Variants in DMGDH observed in about 807,000 individuals in gnomAD.
DMGDH encodes dimethylglycine dehydrogenase.
A neutral mutation model predicts 95.2 loss-of-function variants in DMGDH; 76 were observed. That is an observed-to-expected ratio of 0.80 (90% CI 0.66 to 0.97). The LOEUF is 0.97. DMGDH is among the 50% of genes least tolerant of loss of function. DMGDH has a pLI of 0.00. For missense variants in DMGDH, 987 were observed against 1,055.0 expected, an observed-to-expected ratio of 0.94 and a Z score of 0.89; for synonymous variants, 345 against 377.6, an observed-to-expected ratio of 0.91 and a Z score of 1.00.
At chr5:79,063,892 T>G (rs1755290011) in intron 1 of DMGDH, 105 bp from the exon 2 acceptor site, 2 of 1,164,462 alleles carry the variant, frequency 1.7e-6, no homozygotes, top group African/African-American at 1.5e-5. Flanking sequence ...TAACACCCAC[T>G]GACTGAGATT....
chr5:79,032,827 T>C lies in DMGDH; in HGVS notation c.1377A>G (p.Lys459=). The change falls in exon 9 of 16, where the codon AAA becomes AAG. Residue 459 remains lysine, a synonymous_variant. Transcript: ENST00000255189. ...TCGGCCTCCCAGCAAACCGTTCTTC[T>C]TTAGGATAACCAACTGAAAAGGAAA... ...YGFNNIVGYP[K]EERFAGRPTQ... 6.2e-7 allele frequency: 1 copy of C among 1,614,160 alleles called. No individual in the cohort carries two copies. The highest frequency in any genetic ancestry group is 8.5e-7 in the Non-Finnish European group (1 of 1,180,034).
At chr5:79,047,937 C>T (rs1164117015) in intron 5 of DMGDH, among the ~76,000 whole-genome samples, 1 of 152,112 alleles carries the variant, frequency 6.6e-6, no homozygotes, top group African/African-American at 2.4e-5. Context: ...CTTACTCACA[C>T]TAGCTTGATT....
At chr5:79,005,081 A>C (rs543721199) in intron 15 of DMGDH, among the ~76,000 whole-genome samples, 192 bp downstream of exon 15, 1 of 152,348 alleles carries the variant, frequency 6.6e-6, no homozygotes, top group African/African-American at 2.4e-5. Context: ...TATGTTTTCA[A>C]AAATGAGCAA....
At chr5:79,003,442 T>C (rs901368585) in intron 15 of DMGDH, among the ~76,000 whole-genome samples, 2 of 151,944 alleles carry the variant, frequency 1.3e-5, no homozygotes, top group Non-Finnish European at 2.9e-5. Flanking sequence ...GAACCAGAGA[T>C]ACAGAACAGA....
intron 14 of DMGDH, among the ~76,000 whole-genome samples, chr5:79,023,879 T>G (rs905236379): frequency 6.6e-6 from 1 of 152,230 alleles, no homozygotes; most frequent in African/African-American, 2.4e-5. Context: ...GAAGGATCAA[T>G]GAATGCACTA....
At chr5:79,061,091 T>C (rs930467685) in intron 2 of DMGDH, among the ~76,000 whole-genome samples, 2 of 151,792 alleles carry the variant, frequency 1.3e-5, no homozygotes, top group Non-Finnish European at 2.9e-5. Context: ...GGCGTGGTCG[T>C]GCACAGCTGT....
At chr5:79,030,112 A>G (rs1445805619) in intron 10 of DMGDH, 78 bp from the exon 11 acceptor site, 2 of 1,238,740 alleles carry the variant, frequency 1.6e-6, no homozygotes, top group East Asian at 4.7e-5. Context: ...TGAAATAACA[A>G]TGTGGGTGTT....
chr5:79,060,686 C>T (rs901824201), intron 2 of DMGDH, among the ~76,000 whole-genome samples: 7 of 150,060 alleles, frequency 4.7e-5, no homozygotes, highest in African/African-American at 1.2e-4. Flanking sequence ...TTTGGGAGGC[C>T]GAGCAGGGCA....
Position 79,069,667 on chromosome 5 carries a change from G to A in DMGDH, c.-47C>T. 7.8e-7 allele frequency: 1 copy of A among 1,288,804 alleles called. No individual in the cohort carries two copies. Among genetic ancestry groups the A allele is most frequent in the Non-Finnish European group, 9.8e-7 (1 of 1,022,924 alleles). 79.8% of individuals were successfully genotyped at this position (1,288,804 alleles called of 1,614,324 possible). A position where few individuals can be genotyped will look rare whatever the true frequency, so the allele number is the denominator to read the frequency against. On this transcript the variant is annotated 5_prime_UTR_variant, in exon 1 of 16. Transcript: ENST00000255189. ...GCAGGCGCCTGCTCCGAGGCCAGCG[G>A]GCAGCCTGAGGCCGCGGGGCCGGCG...
chr5:79,045,558 G>A (rs1754647618), intron 5 of DMGDH, among the ~76,000 whole-genome samples: 1 of 152,010 alleles, frequency 6.6e-6, no homozygotes, highest in South Asian at 2.1e-4. Flanking sequence ...AAAATCCAAG[G>A]CACCTTCACT....
chr5:79,054,749 T>G (rs1754973475), intron 3 of DMGDH, among the ~76,000 whole-genome samples: 1 of 152,218 alleles, frequency 6.6e-6, no homozygotes, highest in African/African-American at 2.4e-5. Flanking sequence ...TCATGTAGAA[T>G]CAAAATGTTG....
At chr5:79,045,987 A>G (rs1431361410) in intron 5 of DMGDH, among the ~76,000 whole-genome samples, 2 of 152,224 alleles carry the variant, frequency 1.3e-5, no homozygotes, top group Non-Finnish European at 2.9e-5. Context: ...ACACTTGTAT[A>G]ATGAATCCAG....
intron 5 of DMGDH, among the ~76,000 whole-genome samples, chr5:79,048,942 G>T (rs1338728107): frequency 6.6e-6 from 1 of 152,138 alleles, no homozygotes; most frequent in Non-Finnish European, 1.5e-5. Context: ...CTTCCCACAA[G>T]TTTCAGCAAA....
rs111803146 is a variant in DMGDH at position 79,044,563 on chromosome 5, A to G, written c.746-11T>C. The G allele has an allele frequency of 5.0e-4, 814 of 1,613,656 alleles. 2 individuals carry two copies. In the African/African-American group the frequency reaches 7.3e-3, roughly 14 times the overall value. Reference sequence around the variant, plus strand: ...CACGAGCCCAAAATCCTTAAACAAAAAAATCATTTAAAAGTGTCAGCCCAT... The same window carrying G: ...CACGAGCCCAAAATCCTTAAACAAAGAAATCATTTAAAAGTGTCAGCCCAT... On this transcript the variant is annotated splice_polypyrimidine_tract_variant and intron_variant, in intron 5 of 15. Coordinates refer to ENST00000255189, the MANE Select transcript of DMGDH (RefSeq NM_013391.3).
chr5:79,049,167 G>A (rs1212901851), intron 5 of DMGDH, among the ~76,000 whole-genome samples: 1 of 152,164 alleles, frequency 6.6e-6, no homozygotes, highest in Non-Finnish European at 1.5e-5. Context: ...CACAGCTGCA[G>A]AGAAAGCTTC....
chr5:79,052,503 CTTT>C (rs1406439094), intron 4 of DMGDH, among the ~76,000 whole-genome samples: 1 of 152,164 alleles, frequency 6.6e-6, no homozygotes, highest in African/African-American at 2.4e-5. Context: ...GTGCAAGGGA[CTTT>C]CTATTTTAAG....
chr5:78,999,846 GTTAGAATT>G (rs1753423976), intron 15 of DMGDH, among the ~76,000 whole-genome samples: 1 of 151,032 alleles, frequency 6.6e-6, no homozygotes, highest in African/African-American at 2.4e-5. Context: ...GGTCAGAGAG[GTTAGAATT>G]TTAATCATTG....
chr5:79,033,833 G>A (rs1462660600), intron 7 of DMGDH, among the ~76,000 whole-genome samples: 1 of 152,174 alleles, frequency 6.6e-6, no homozygotes, highest in Non-Finnish European at 1.5e-5. Context: ...ACGGGTGGCT[G>A]AGGCAGGAGG....
intron 2 of DMGDH, among the ~76,000 whole-genome samples, chr5:79,061,217 TCAAACACACACACACACACACA>T (rs1755198208): frequency 3.8e-5 from 4 of 106,138 alleles, no homozygotes; most frequent in African/African-American, 1.5e-4. Flanking sequence ...AAACTCTGTC[TCAAACACACACACACACACACA>T]CACACACACA....
Sources: gnomAD v4.1 joint callset for allele counts (sites outside exome capture counted in the v4.1 genomes callset) on GRCh38, gnomAD v4.1.1 for gene constraint, MANE v1.5 for transcripts, NCBI Gene and HGNC (gene_info 2026-07-23, HGNC 2026-07-21) for gene names.